RIMS2: variants seen among roughly 807,000 people sequenced by gnomAD.
The protein encoded by RIMS2 is regulating synaptic membrane exocytosis protein 2.
Under a neutral mutation model 174.4 loss-of-function variants are expected in RIMS2, and 59 were observed. The ratio of observed to expected loss-of-function variants is 0.34; its 90% CI spans 0.27 to 0.42. RIMS2 has a LOEUF of 0.42. Among genes scored for constraint, RIMS2 ranks in the 10% least tolerant of loss-of-function variants. The probability of loss-of-function intolerance (pLI) is 1.00; values close to 1 mark genes in which losing one functional copy is unlikely to be tolerated. For synonymous variants in RIMS2, 606 were observed against 572.5 expected, an observed-to-expected ratio of 1.06 and a Z score of -0.84; for missense variants, 1,620 against 1,666.3, an observed-to-expected ratio of 0.97 and a Z score of 0.48.
chr8:103,657,932 C>A (rs980997715), intron 1 of RIMS2, among the ~76,000 whole-genome samples: 4 of 152,140 alleles, frequency 2.6e-5, no homozygotes, highest in African/African-American at 9.7e-5. Flanking sequence ...GGCAGCTTGG[C>A]TGTATTTAAA....
chr8:103,876,948 C>T (rs1210128924), intron 3 of RIMS2, among the ~76,000 whole-genome samples: 3 of 125,588 alleles, frequency 2.4e-5, no homozygotes, highest in African/African-American at 8.5e-5. Context: ...GTTTCTTTAT[C>T]CACTCGTTGA....
chr8:104,101,059 A>AATATATGTTATATATTATATT (rs2097883835), intron 19 of RIMS2, among the ~76,000 whole-genome samples: 2 of 143,538 alleles, frequency 1.4e-5, no homozygotes, highest in African/African-American at 2.6e-5. Flanking sequence ...TTACATATGT[A>AATATATGTTATATATTATATT]ATATATGTTA....
chr8:103,923,534 GA>G (rs1450899053), intron 10 of RIMS2, among the ~76,000 whole-genome samples: 4 of 151,700 alleles, frequency 2.6e-5, no homozygotes, highest in Admixed American at 6.6e-5. Context: ...ATATTTGGGG[GA>G]AATATAAATG....
intron 3 of RIMS2, among the ~76,000 whole-genome samples, chr8:103,822,742 G>A (rs990705066): frequency 2.0e-5 from 3 of 151,842 alleles, no homozygotes; most frequent in Non-Finnish European, 4.4e-5. Flanking sequence ...TGACTCACTT[G>A]ATAGGTTTTG....
At chr8:104,132,180 G>C (rs973586415) in intron 19 of RIMS2, among the ~76,000 whole-genome samples, 8 of 151,992 alleles carry the variant, frequency 5.3e-5, no homozygotes, top group Non-Finnish European at 1.0e-4. Flanking sequence ...TAGAGTATTT[G>C]TTATTTTCGT....
intron 19 of RIMS2, among the ~76,000 whole-genome samples, chr8:104,064,043 T>G (rs1004718297): frequency 6.6e-6 from 1 of 152,196 alleles, no homozygotes; most frequent in African/African-American, 2.4e-5. Context: ...TGCCAGCTAT[T>G]GTGACCATAT....
intron 1 of RIMS2, among the ~76,000 whole-genome samples, chr8:103,588,000 GA>G (rs1222108554): frequency 2.0e-5 from 3 of 151,834 alleles, no homozygotes; most frequent in Non-Finnish European, 4.4e-5. Flanking sequence ...CTTATATTTG[GA>G]AAAACCTAAA....
intron 19 of RIMS2, among the ~76,000 whole-genome samples, chr8:104,065,866 T>A (rs1361678541): frequency 6.6e-6 from 1 of 152,148 alleles, no homozygotes; most frequent in Admixed American, 6.6e-5. Flanking sequence ...ATTTAAATGG[T>A]TAGAAAGCTC....
intron 3 of RIMS2, among the ~76,000 whole-genome samples, chr8:103,828,242 G>T: frequency 6.6e-6 from 1 of 152,154 alleles, no homozygotes; most frequent in Admixed American, 6.5e-5. Context: ...TCTATTGGAT[G>T]AACAGTTGGT....
intron 19 of RIMS2, among the ~76,000 whole-genome samples, chr8:104,061,843 A>G (rs888185887): frequency 1.3e-5 from 2 of 151,894 alleles, no homozygotes; most frequent in Admixed American, 6.6e-5. Context: ...TTTTTTTCCC[A>G]AGGTGTTTAC....
At chr8:104,149,693 A>G (rs2098673661) in intron 19 of RIMS2, among the ~76,000 whole-genome samples, 1 of 152,212 alleles carries the variant, frequency 6.6e-6, no homozygotes, top group African/African-American at 2.4e-5. Flanking sequence ...CAGCTGGATT[A>G]AATCTAATTT....
intron 1 of RIMS2, among the ~76,000 whole-genome samples, chr8:103,689,362 A>G (rs947994391): frequency 6.6e-5 from 10 of 152,118 alleles, no homozygotes; most frequent in Admixed American, 1.3e-4. Context: ...GTAAATACCT[A>G]TTAATTCCAT....
intron 2 of RIMS2, among the ~76,000 whole-genome samples, chr8:103,709,290 C>T (rs1050157514): frequency 6.6e-6 from 1 of 150,610 alleles, no homozygotes; most frequent in Non-Finnish European, 1.5e-5. Flanking sequence ...ATTCTAACCC[C>T]CCTTGAGTCT....
chr8:103,742,365 G>A (rs2097770072), intron 2 of RIMS2, among the ~76,000 whole-genome samples: 1 of 152,026 alleles, frequency 6.6e-6, no homozygotes, highest in Non-Finnish European at 1.5e-5. Context: ...TTTTTGTTAT[G>A]ATTGCAAATG....
intron 1 of RIMS2, among the ~76,000 whole-genome samples, chr8:103,611,205 A>C (rs765666185): frequency 6.6e-6 from 1 of 151,720 alleles, no homozygotes; most frequent in Non-Finnish European, 1.5e-5. Context: ...TGTCATTTCT[A>C]ATTGTGTTTA....
intron 1 of RIMS2, among the ~76,000 whole-genome samples, chr8:103,581,727 T>G (rs908583881): frequency 1.3e-5 from 2 of 152,104 alleles, no homozygotes; most frequent in African/African-American, 4.8e-5. Flanking sequence ...TAGAAAAACG[T>G]GAGGTCAGAG....
intron 3 of RIMS2, among the ~76,000 whole-genome samples, chr8:103,855,426 C>T (rs1038194682): frequency 6.6e-6 from 1 of 151,766 alleles, no homozygotes. Flanking sequence ...TGTTGTAGTT[C>T]CTTTAAGTGC....
chr8:103,942,809 G>A lies in RIMS2; in HGVS notation c.2584G>A (p.Glu862Lys), dbSNP rs760545761. 5 of 1,612,556 alleles carry A rather than the reference G, an allele frequency of 3.1e-6. No homozygotes were observed. In the East Asian group the frequency reaches 6.7e-5, roughly 22 times the overall value. The stretch of plus-strand genomic sequence containing the variant: ...ATTAGAAACAGCATTATTAGATGAT[G>A]AGCCACATTGGTACAAACTTCAGAC... The change falls in exon 14 of 24, where the codon GAG becomes AAG. Residue 862 changes from glutamate (E) to lysine (K), a missense_variant. This residue lies in a region of RIMS2 where 1,395 missense variants were observed against 1,360.1 expected (regional missense o/e 1.03). Transcript: ENST00000504942.
At chr8:103,791,931 G>A (rs946489945) in intron 3 of RIMS2, among the ~76,000 whole-genome samples, 4 of 152,196 alleles carry the variant, frequency 2.6e-5, no homozygotes, top group African/African-American at 9.6e-5. Context: ...CAAGTCCTTA[G>A]AGACCTACAA....
Sources: allele counts gnomAD v4.1 joint callset (sites outside exome capture counted in the v4.1 genomes callset), GRCh38; gene constraint gnomAD v4.1.1; regional missense constraint gnomAD v4.1.1; transcripts MANE v1.5; gene names NCBI Gene and HGNC (gene_info 2026-07-23, HGNC 2026-07-21).